Variants in LATS2 observed in about 807,000 individuals in gnomAD.
LATS2 encodes large tumor suppressor kinase 2.
A neutral mutation model predicts 76.0 loss-of-function variants in LATS2; 24 were observed. That is an observed-to-expected ratio of 0.32 (90% confidence interval 0.23 to 0.44). The LOEUF is 0.44. Ranked by LOEUF, LATS2 falls within the 20% of genes least tolerant of loss-of-function variation. LATS2 has a pLI of 1.00. For synonymous variants in LATS2, 692 were observed against 635.4 expected, an observed-to-expected ratio of 1.09 and a Z score of -1.34; for missense variants, 1,286 against 1,481.2, an observed-to-expected ratio of 0.87 and a Z score of 2.16.
In LATS2 at chr13:21,045,869, C is replaced by T; in HGVS notation, c.158G>A (p.Gly53Glu). 6.2e-7 allele frequency: 1 copy of T among 1,614,198 alleles called. No homozygotes were observed. Among genetic ancestry groups the T allele is most frequent in the Non-Finnish European group, 8.5e-7 (1 of 1,180,056 alleles). Residue 53 changes from glycine (G) to glutamate (E), a missense_variant, in exon 2 of 8, where the codon GGG (glycine) becomes GAG (glutamate). Physicochemically the swap from Gly to Glu is moderately conservative, Grantham distance 98 (BLOSUM62 -2). Around this residue, in one of 5 missense-constraint regions of LATS2, gnomAD observed 101 missense variants for 141.4 expected, o/e 0.71. Transcript: ENST00000382592. Reference sequence around the variant, plus strand: ...CTGCTGCCTGGTGGCATCTTTGCTCCCCAGGACTTTGGCATCCAGGGAAGT... The same window carrying T: ...CTGCTGCCTGGTGGCATCTTTGCTCTCCAGGACTTTGGCATCCAGGGAAGT... ...SDTSLDAKVLGSKDATRQQQQ... is the reference protein window; with the variant it reads ...SDTSLDAKVLESKDATRQQQQ...
chr13:21,033,415 T>C (rs1197951028), intron 2 of LATS2, among the ~76,000 whole-genome samples: 3 of 151,092 alleles, frequency 2.0e-5, no homozygotes, highest in Non-Finnish European at 2.9e-5. Context: ...GACAGAGAGG[T>C]AGAGATGTGC....
Position 20,989,205 on chromosome 13 carries a change from T to C in LATS2, c.575A>G (p.Glu192Gly). ...SYHQLSGTPY[E>G]GPSFGADGPT... ...GCCGTCAGCGCCGAAGCTTGGGCCC[T>C]CGTAGGGGGTACCGCTCAGCTGGTG... The change falls in exon 4 of 8, where the codon GAG (glutamate) becomes GGG (glycine). Residue 192 changes from glutamate to glycine, a missense_variant. Around this residue, in one of 5 missense-constraint regions of LATS2, gnomAD observed 710 missense variants for 660.9 expected, o/e 1.07. Transcript: ENST00000382592. 6.2e-7 allele frequency: 1 copy of C among 1,613,700 alleles called. No individual in the cohort carries two copies. Among genetic ancestry groups the C allele is most frequent in the South Asian group, 1.1e-5 (1 of 91,086 alleles).
intron 2 of LATS2, among the ~76,000 whole-genome samples, chr13:21,011,966 A>G (rs1344999600): frequency 1.3e-5 from 2 of 152,226 alleles, no homozygotes; most frequent in African/African-American, 4.8e-5. Flanking sequence ...GATGTCTAAC[A>G]AAACCAATTT....
chr13:21,025,886 C>T (rs779107948), intron 2 of LATS2, among the ~76,000 whole-genome samples: 3 of 152,114 alleles, frequency 2.0e-5, no homozygotes, highest in Non-Finnish European at 4.4e-5. Context: ...TTTCACCAAC[C>T]GTGACTCTCT....
chr13:20,998,638 C>T (rs574317315), intron 2 of LATS2, among the ~76,000 whole-genome samples: 1 of 152,356 alleles, frequency 6.6e-6, no homozygotes, highest in Admixed American at 6.5e-5. Flanking sequence ...TGAGGCCCTC[C>T]GGGCCCAGGC....
intron 1 of LATS2, among the ~76,000 whole-genome samples, chr13:21,049,584 C>G (rs1311020014): frequency 6.6e-6 from 1 of 152,154 alleles, no homozygotes; most frequent in African/African-American, 2.4e-5. Context: ...CTCTTTTTAC[C>G]AGCAGTGACA....
At chr13:21,037,344 C>T (rs1872715242) in intron 2 of LATS2, among the ~76,000 whole-genome samples, 2 of 152,130 alleles carry the variant, frequency 1.3e-5, no homozygotes, top group South Asian at 4.1e-4. Context: ...GGGGAGGTTG[C>T]AGTAAGCCAG....
intron 2 of LATS2, among the ~76,000 whole-genome samples, chr13:21,004,697 G>A (rs1273837828): frequency 6.6e-6 from 1 of 152,156 alleles, no homozygotes; most frequent in African/African-American, 2.4e-5. Flanking sequence ...AGCACCATGG[G>A]GCTGTTCAAC....
chr13:20,996,446 T>C (rs1436602277), intron 2 of LATS2, among the ~76,000 whole-genome samples: 2 of 151,396 alleles, frequency 1.3e-5, no homozygotes, highest in East Asian at 1.9e-4. Context: ...TGGCGTAATA[T>C]TGGCTCACTG....
rs1359329273 is a variant in LATS2, at chr13:20,998,910, A to T, written c.343-7506T>A. On this transcript the variant is annotated intron_variant, in intron 2 of 7. Coordinates refer to ENST00000382592, the MANE Select transcript of LATS2 (RefSeq NM_014572.3). ...GGCGGGGGCCCTGGCGACGTTGTCC[A>T]CGCAGGGTAGGAGTCCCGGTGACCT... Among the ~76,000 whole-genome samples the T allele has an allele frequency of 7.2e-5, 11 of 151,998 alleles. No homozygotes were observed. In the East Asian group the frequency reaches 2.1e-3, roughly 29 times the overall value.
At chr13:21,027,570 T>C (rs77708833) in intron 2 of LATS2, among the ~76,000 whole-genome samples, 4,216 of 152,346 alleles carry the variant, frequency 0.028, 197 homozygotes, top group African/African-American at 0.096. Flanking sequence ...TTTTGTACTC[T>C]GTTCCACTAC....
intron 2 of LATS2, among the ~76,000 whole-genome samples, chr13:21,038,946 C>T (rs578152738): frequency 2.1e-4 from 32 of 152,338 alleles, no homozygotes; most frequent in African/African-American, 1.2e-4. Flanking sequence ...CCCCACTGCA[C>T]TCCAGCCTAG....
chr13:21,040,528 T>G lies in LATS2; in HGVS notation c.342+5157A>C, dbSNP rs893327511. Among the ~76,000 whole-genome samples, 8 of 152,094 alleles carry G rather than the reference T, an allele frequency of 5.3e-5. No individual in the cohort carries two copies. In the East Asian group the frequency reaches 7.7e-4, roughly 15 times the overall value. On this transcript the variant is annotated intron_variant, in intron 2 of 7. Coordinates refer to ENST00000382592, the MANE Select transcript of LATS2 (RefSeq NM_014572.3). Reference sequence around the variant, plus strand: ...ATCACAGAAGCTACTAGAATCCAGATAGGTGGTGATACTTCCAACCAACGA... The same window carrying G: ...ATCACAGAAGCTACTAGAATCCAGAGAGGTGGTGATACTTCCAACCAACGA...
At chr13:20,997,547 T>TC in intron 2 of LATS2, among the ~76,000 whole-genome samples, 1 of 152,310 alleles carries the variant, frequency 6.6e-6, no homozygotes, top group East Asian at 1.9e-4. Flanking sequence ...GGTCCAGGCC[T>TC]CTGTTGCAGG....
In LATS2 at chr13:20,988,163, G is replaced by A. The variant is rs1170624137; in HGVS notation, c.1617C>T (p.Gly539=). The A allele has an allele frequency of 1.2e-6, 2 of 1,613,962 alleles. No individual in the cohort carries two copies. The highest frequency in any genetic ancestry group is 8.5e-7 in the Non-Finnish European group (1 of 1,179,980). ...EQYDLDSLCA[G]MEQSLRAGPN... The stretch of plus-strand genomic sequence containing the variant: ...GGCCCGCACGGAGGCTCTGCTCCAT[G>A]CCTGCGCACAGGCTGTCCAGGTCGT... Residue 539 remains glycine (G), a synonymous_variant, in exon 4 of 8, where the codon GGC becomes GGT. Transcript: ENST00000382592.
intron 1 of LATS2, among the ~76,000 whole-genome samples, chr13:21,055,725 G>A (rs573271634): frequency 2.6e-5 from 4 of 152,182 alleles, no homozygotes; most frequent in Admixed American, 6.5e-5. Flanking sequence ...TGGGACCTGC[G>A]CTAATGACAC....
chr13:20,997,469 C>T (rs541490057), intron 2 of LATS2, among the ~76,000 whole-genome samples: 1 of 152,350 alleles, frequency 6.6e-6, no homozygotes, highest in African/African-American at 2.4e-5. Flanking sequence ...TCAGGCCCTG[C>T]CAGTATCTTG....
chr13:20,990,445 C>G (rs1422626977), intron 3 of LATS2, among the ~76,000 whole-genome samples: 2 of 133,274 alleles, frequency 1.5e-5, no homozygotes, highest in Non-Finnish European at 3.2e-5. Context: ...AGGGAAAACT[C>G]TTGCTAATTA....
chr13:21,039,055 G>C lies in LATS2; in HGVS notation c.342+6630C>G, dbSNP rs1033564581. Among the ~76,000 whole-genome samples, 8 of 152,274 alleles carry C rather than the reference G, an allele frequency of 5.3e-5. No individual in the cohort carries two copies. The East Asian group carries it at 1.5e-3, about 29-fold the overall frequency. The stretch of plus-strand genomic sequence containing the variant: ...TGACACAGAGGGGTATGCTTTGCTT[G>C]TGTCTTGTCAAAGTAATTTAAATTC... On this transcript the variant is annotated intron_variant, in intron 2 of 7. Coordinates refer to ENST00000382592, the MANE Select transcript of LATS2 (RefSeq NM_014572.3).
Sources: gnomAD v4.1 joint callset for allele counts (sites outside exome capture counted in the v4.1 genomes callset) on GRCh38, gnomAD v4.1.1 for gene constraint, gnomAD v4.1.1 regional missense constraint, MANE v1.5 for transcripts, NCBI Gene and HGNC (gene_info 2026-07-23, HGNC 2026-07-21) for gene names.